The following PDE1C variants were observed in gnomAD, a reference collection of about 807,000 sequenced individuals.
PDE1C encodes dual specificity calcium/calmodulin-dependent 3',5'-cyclic nucleotide phosphodiesterase 1C.
A neutral mutation model predicts 93.1 loss-of-function variants in PDE1C; 62 were observed. The ratio of observed to expected loss-of-function variants is 0.67; its 90% CI spans 0.54 to 0.82. The LOEUF (loss-of-function observed/expected upper bound fraction) is 0.82, where lower values mean the gene tolerates loss of function less well. Among genes scored for constraint, PDE1C ranks in the 40% least tolerant of loss-of-function variants. PDE1C has a pLI of 0.00. For missense variants in PDE1C, 742 were observed against 884.6 expected (o/e 0.84, Z 2.04); for synonymous variants, 325 against 310.1 (o/e 1.05, Z -0.50).
intron 2 of PDE1C, among the ~76,000 whole-genome samples, chr7:31,910,445 G>C (rs1801083998): frequency 6.6e-6 from 1 of 152,096 alleles, no homozygotes; most frequent in Non-Finnish European, 1.5e-5. Flanking sequence ...TCTTGTACCA[G>C]CTCCACCCCA....
intron 17 of PDE1C, among the ~76,000 whole-genome samples, chr7:31,772,701 T>C (rs1364207019): frequency 2.0e-5 from 3 of 152,236 alleles, no homozygotes; most frequent in Admixed American, 1.3e-4. Context: ...AATGACTGAA[T>C]TGGATCAGCT....
chr7:32,323,087 T>A (rs1783332034), intron 1 of PDE1C, among the ~76,000 whole-genome samples: 1 of 152,220 alleles, frequency 6.6e-6, no homozygotes, highest in African/African-American at 2.4e-5. Context: ...TTTAGCCAAC[T>A]AAAGTGACAT....
At chr7:31,952,183 T>C (rs1435600267) in intron 2 of PDE1C, among the ~76,000 whole-genome samples, 2 of 152,120 alleles carry the variant, frequency 1.3e-5, no homozygotes, top group Non-Finnish European at 2.9e-5. Flanking sequence ...AATAGTCTAT[T>C]CCCACTTGCC....
At chr7:32,265,942 T>C (rs1212091093) in intron 1 of PDE1C, among the ~76,000 whole-genome samples, 1 of 137,444 alleles carries the variant, frequency 7.3e-6, no homozygotes, top group African/African-American at 2.5e-5. Flanking sequence ...CAGGTGGGGG[T>C]AAGAGGGAAG....
intron 1 of PDE1C, among the ~76,000 whole-genome samples, chr7:32,318,505 C>T (rs570216009): frequency 6.6e-6 from 1 of 152,296 alleles, no homozygotes; most frequent in South Asian, 2.1e-4. Flanking sequence ...TGGGTGCCCG[C>T]CACGCACAGA....
intron 1 of PDE1C, among the ~76,000 whole-genome samples, chr7:32,306,568 T>C (rs1813008878): frequency 6.6e-6 from 1 of 152,248 alleles, no homozygotes; most frequent in Non-Finnish European, 1.5e-5. Flanking sequence ...CAGCTTGCAT[T>C]CTTGCTCCAA....
At chr7:32,276,357 T>C (rs1811287127) in intron 1 of PDE1C, among the ~76,000 whole-genome samples, 1 of 152,202 alleles carries the variant, frequency 6.6e-6, no homozygotes, top group Admixed American at 6.5e-5. Context: ...TGGTATGTAA[T>C]CATGACTCAG....
chr7:31,874,525 A>C (rs1796315537), intron 5 of PDE1C, among the ~76,000 whole-genome samples: 1 of 152,214 alleles, frequency 6.6e-6, no homozygotes, highest in Non-Finnish European at 1.5e-5. Flanking sequence ...CTGAATTCCA[A>C]CATAATCCAT....
At chr7:32,384,885 G>A (rs1482111459) in intron 1 of PDE1C, among the ~76,000 whole-genome samples, 1 of 152,146 alleles carries the variant, frequency 6.6e-6, no homozygotes, top group Non-Finnish European at 1.5e-5. Flanking sequence ...CCCACATGAT[G>A]CCAATGGTGC....
intron 1 of PDE1C, among the ~76,000 whole-genome samples, chr7:32,394,981 G>T (rs1784816813): frequency 6.6e-6 from 1 of 152,144 alleles, no homozygotes; most frequent in Admixed American, 6.5e-5. Flanking sequence ...CTGGTGCCAT[G>T]CTTCTTGTAC....
intron 3 of PDE1C, among the ~76,000 whole-genome samples, chr7:32,080,436 C>A (rs1199547555): frequency 2.0e-5 from 3 of 152,158 alleles, no homozygotes; most frequent in African/African-American, 7.2e-5. Flanking sequence ...AAAGAGCAAA[C>A]CTCAGACATG....
rs553172264 is a variant in PDE1C, at chr7:32,337,519, C to T, written c.310+90303G>A. 1.7e-3 allele frequency among the ~76,000 whole-genome samples: 263 copies of T among 152,248 alleles called. 1 individual carries two copies. Among genetic ancestry groups the T allele is most frequent in the African/African-American group, 6.1e-3 (253 of 41,546 alleles). On this transcript the variant is annotated intron_variant, in intron 1 of 1. Transcript: ENST00000672256. ...ATCTGCAAAGAGGGAGATGGGGAAA[C>T]TTACAAGTTGGCAGATTTTGATGGG...
intron 1 of PDE1C, among the ~76,000 whole-genome samples, chr7:32,406,985 A>T (rs1785065064): frequency 6.6e-6 from 1 of 152,176 alleles, no homozygotes; most frequent in Admixed American, 6.5e-5. Flanking sequence ...AAGTTAAAAA[A>T]CAAAAACAGG....
chr7:32,265,375 C>T (rs1477026676), intron 1 of PDE1C, among the ~76,000 whole-genome samples: 2 of 152,146 alleles, frequency 1.3e-5, no homozygotes, highest in Non-Finnish European at 2.9e-5. Context: ...CAAGGATGGG[C>T]ACATGATCCA....
the PDE1C span, among the ~76,000 whole-genome samples, chr7:31,716,633 A>G: frequency 1.3e-5 from 2 of 152,238 alleles, no homozygotes; most frequent in Non-Finnish European, 2.9e-5. Context: ...GTCACTATGC[A>G]TCTGTTATTT....
intron 1 of PDE1C, among the ~76,000 whole-genome samples, chr7:32,389,053 T>C (rs1403438489): frequency 6.6e-6 from 1 of 152,146 alleles, no homozygotes; most frequent in African/African-American, 2.4e-5. Flanking sequence ...ATTGAGTTGA[T>C]TGCCATCAAA....
At chr7:31,967,882 G>C (rs1810276168) in intron 2 of PDE1C, among the ~76,000 whole-genome samples, 1 of 152,212 alleles carries the variant, frequency 6.6e-6, no homozygotes, top group African/African-American at 2.4e-5. Flanking sequence ...AATAGATGCA[G>C]AAAAGGCCTT....
intron 2 of PDE1C, among the ~76,000 whole-genome samples, chr7:31,887,496 T>C (rs1318087208): frequency 1.3e-5 from 2 of 152,200 alleles, no homozygotes; most frequent in African/African-American, 4.8e-5. Context: ...CCTAGGTGCA[T>C]ACTTATGTTT....
At chr7:32,092,839 G>C (rs1022747898) in intron 3 of PDE1C, among the ~76,000 whole-genome samples, 2 of 151,108 alleles carry the variant, frequency 1.3e-5, no homozygotes, top group Non-Finnish European at 3.0e-5. Context: ...CTGTCTTGCT[G>C]AATCTACACA....
Sources: gnomAD v4.1 joint callset for allele counts (sites outside exome capture counted in the v4.1 genomes callset) on GRCh38, gnomAD v4.1.1 for gene constraint, MANE v1.5 for transcripts, NCBI Gene and HGNC (gene_info 2026-07-23, HGNC 2026-07-21) for gene names.